The following TEP1 variants were observed in gnomAD, a reference collection of about 807,000 sequenced individuals.
TEP1 encodes telomerase associated protein 1.
Under a neutral mutation model 306.3 loss-of-function variants are expected in TEP1, and 241 were observed. The observed-to-expected ratio is 0.79, with a 90% CI of 0.71 to 0.88. The LOEUF (loss-of-function observed/expected upper bound fraction) is 0.88. Among genes scored for constraint, TEP1 ranks in the 40% least tolerant of loss-of-function variants. The probability of loss-of-function intolerance (pLI) is 0.00; values close to 1 mark genes in which losing one functional copy is unlikely to be tolerated. For missense variants in TEP1, 3,051 were observed against 3,276.1 expected (o/e 0.93, Z 1.68); for synonymous variants, 1,289 against 1,305.5 (o/e 0.99, Z 0.27).
rs1885058378 is a variant in TEP1, at chr14:20,374,552, T to C, written c.6364-16A>G. The C allele has an allele frequency of 6.3e-7, 1 of 1,585,908 alleles. No homozygotes were observed. Among genetic ancestry groups the C allele is most frequent in the Non-Finnish European group, 8.6e-7 (1 of 1,158,510 alleles). On this transcript the variant is annotated splice_polypyrimidine_tract_variant and intron_variant, in intron 43 of 54. Transcript: ENST00000262715. Reference sequence around the variant, plus strand: ...AGCAGGATATCTACAGAGTCAGAAGTCAGAGGAGTGGGATTATCAGCATCC... The same window carrying C: ...AGCAGGATATCTACAGAGTCAGAAGCCAGAGGAGTGGGATTATCAGCATCC...
Position 20,372,743 on chromosome 14 carries a change from C to T in TEP1, c.7066G>A (p.Gly2356Arg), listed in dbSNP as rs756595393. The T allele has an allele frequency of 4.1e-5, 66 of 1,613,932 alleles. No individual in the cohort carries two copies. Among genetic ancestry groups the T allele is most frequent in the Non-Finnish European group, 4.9e-5 (58 of 1,180,010 alleles). Reference protein sequence around the residue: ...QVKLRKGSAPGNLSLHLNRIL... With the variant: ...QVKLRKGSAPRNLSLHLNRIL... Reference sequence around the variant, plus strand: ...ATCAGCCTGTTTCACCTCAAATTTCCGGGTGCCGAACCCTTCCGCAGTTTC... The same window carrying T: ...ATCAGCCTGTTTCACCTCAAATTTCTGGGTGCCGAACCCTTCCGCAGTTTC... Residue 2356 changes from glycine to arginine, a missense_variant, in exon 49 of 55, where the codon GGA (glycine) becomes AGA (arginine). By Grantham distance (125) the Gly-to-Arg change is moderately radical (BLOSUM62 -2). Around this residue, in one of 3 missense-constraint regions of TEP1, gnomAD observed 1,540 missense variants for 1,705.9 expected, o/e 0.90. Coordinates refer to ENST00000262715, the MANE Select transcript of TEP1 (RefSeq NM_007110.5).
At chr14:20,377,999 C>T in intron 39 of TEP1, 25 bp downstream of exon 39, 1 of 1,611,016 alleles carries the variant, frequency 6.2e-7, no homozygotes, top group Non-Finnish European at 8.5e-7. Context: ...CCTCACAACC[C>T]ACCACCAGCC....
intron 10 of TEP1, 96 bp downstream of exon 10, chr14:20,396,525 T>C (rs928527748): frequency 2.5e-5 from 25 of 1,005,618 alleles, no homozygotes; most frequent in African/African-American, 1.3e-4. Flanking sequence ...TACCTGCCTC[T>C]GCCCCCTGAA....
rs375172392 is a variant in TEP1, at chr14:20,377,322, G to C, written c.6046C>G (p.Leu2016Val). ...WLLSRFQKPV[L>V]GLATSQELLA... ...AGCTCCTGGGAAGTGGCCAGTCCTA[G>C]CACAGGCTTCTGGAATCTGGACAGG... The change falls in exon 41 of 55, where the codon CTA (leucine) becomes GTA (valine). Residue 2016 changes from leucine to valine, a missense_variant. By Grantham distance (32) the Leu-to-Val change is conservative. Coordinates refer to ENST00000262715, the MANE Select transcript of TEP1 (RefSeq NM_007110.5). 8.2e-5 allele frequency: 133 copies of C among 1,614,028 alleles called. No homozygotes were observed. The highest frequency in any genetic ancestry group is 4.5e-4 in the Admixed American group (27 of 60,010).
rs749390159 is a variant in TEP1, at chr14:20,382,682, G to A, written c.4081C>T (p.Arg1361Trp). 70 of 1,613,946 alleles carry A rather than the reference G, an allele frequency of 4.3e-5. No homozygotes were observed. The highest frequency in any genetic ancestry group is 5.5e-5 in the South Asian group (5 of 91,088). The change falls in exon 28 of 55, where the codon CGG (arginine) becomes TGG (tryptophan). Residue 1361 changes from arginine (R) to tryptophan (W), a missense_variant. Transcript: ENST00000262715. Reference sequence around the variant, plus strand: ...GTGACCAAGCGCAGGTAGAGCGGCCGGCCTGATTCCCGCTTCACCAGCAGC... The same window carrying A: ...GTGACCAAGCGCAGGTAGAGCGGCCAGCCTGATTCCCGCTTCACCAGCAGC... ...RLLLVKRESG[R>W]PLYLRLVTDH...
Position 20,382,647 on chromosome 14 carries a change from C to T in TEP1, c.4116G>A (p.Leu1372=), listed in dbSNP as rs760029456. The change falls in exon 28 of 55, where the codon CTG becomes CTA. Residue 1372 remains leucine, a synonymous_variant. Coordinates refer to ENST00000262715, the MANE Select transcript of TEP1 (RefSeq NM_007110.5). ...CCTGCTCATACAGCGTGAAGAGCCTCAGGTGATCGGTGACCAAGCGCAGGT... is the reference window on the plus strand; with the variant it reads ...CCTGCTCATACAGCGTGAAGAGCCTTAGGTGATCGGTGACCAAGCGCAGGT... ...PLYLRLVTDH[L]RLFTLYEQVS... is the part of the protein sequence containing the mutation. 6.2e-6 allele frequency: 10 copies of T among 1,614,088 alleles called. No individual in the cohort carries two copies. Among genetic ancestry groups the T allele is most frequent in the Non-Finnish European group, 8.5e-6 (10 of 1,179,996 alleles).
Position 20,395,974 on chromosome 14 carries a change from C to A in TEP1, c.1660-25G>T, listed in dbSNP as rs111288907. ...TCTAGAAAGCAAAGGAGGGAGGGGT[C>A]ATGAGCACAGGAGCCGGGAGTATGG... On this transcript the variant is annotated intron_variant, in intron 10 of 54. Coordinates refer to ENST00000262715, the MANE Select transcript of TEP1 (RefSeq NM_007110.5). 2.9e-3 allele frequency: 4,712 copies of A among 1,604,666 alleles called. 114 individuals carry two copies. The African/African-American group carries it at 0.055, about 19-fold the overall frequency.
rs747230496 is a variant in TEP1, at chr14:20,375,850, C to T, written c.6268G>A (p.Val2090Met). The T allele has an allele frequency of 1.3e-5, 21 of 1,613,002 alleles. No homozygotes were observed. The highest frequency in any genetic ancestry group is 1.2e-4 in the Admixed American group (7 of 60,006). The change falls in exon 43 of 55, where the codon GTG becomes ATG. Residue 2090 changes from valine (V) to methionine (M), a missense_variant. Physicochemically the swap from Val to Met is conservative, Grantham distance 21. This residue lies in a region of TEP1 where 1,540 missense variants were observed against 1,705.9 expected (regional missense o/e 0.90). Coordinates refer to ENST00000262715, the MANE Select transcript of TEP1 (RefSeq NM_007110.5). ...AAAACAGGGGTTTTGGGTGTCCTCA[C>T]GTCCCAGCAGAGGAGACTCTGGATA... Reference protein sequence around the residue: ...GRDRSLLCWDVRTPKTPVLIH... With the variant: ...GRDRSLLCWDMRTPKTPVLIH...
Position 20,380,289 on chromosome 14 carries a change from A to G in TEP1, c.4949T>C (p.Leu1650Pro), listed in dbSNP as rs766250171. ...QASLLSRRWH[L>P]QHTLRWLNKP... ...ATTAAGCCATCGTAGTGTGTGTTGG[A>G]GGTGCCATCTCCGGGAGAGCAGCGA... The change falls in exon 34 of 55, where the codon CTC becomes CCC. Residue 1650 changes from leucine to proline, a missense_variant. Physicochemically the swap from Leu to Pro is moderately conservative, Grantham distance 98 (BLOSUM62 -3). Coordinates refer to ENST00000262715, the MANE Select transcript of TEP1 (RefSeq NM_007110.5). The G allele has an allele frequency of 1.8e-5, 29 of 1,613,932 alleles. No individual in the cohort carries two copies. In the Admixed American group the frequency reaches 4.8e-4, roughly 27 times the overall value.
chr14:20,384,633 T>C lies in TEP1; in HGVS notation c.3188A>G (p.Tyr1063Cys), dbSNP rs1876957763. Residue 1063 changes from tyrosine (Y) to cysteine (C), a missense_variant, in exon 22 of 55, where the codon TAC (tyrosine) becomes TGC (cysteine). Physicochemically the swap from Tyr to Cys is radical, Grantham distance 194. Transcript: ENST00000262715. ...GGTGATCCCTTTCTGTCTGCTTAGG[T>C]AGCTCTTCAGTTCTGAGATCCGACG... ...AARRISELKS[Y>C]LSRQKGITCR... The C allele has an allele frequency of 1.2e-6, 2 of 1,614,062 alleles. No homozygotes were observed. Among genetic ancestry groups the C allele is most frequent in the Non-Finnish European group, 8.5e-7 (1 of 1,180,018 alleles).
Position 20,403,820 on chromosome 14 carries a change from G to A in TEP1, c.1097C>T (p.Thr366Met), listed in dbSNP as rs372780589. ...CTCGTCAAACTGGGCAAATTTGTCC[G>A]TCATGGCAGTACGGAGACAGGCGGG... is the stretch of plus-strand genomic sequence containing the variant. ...PLPACLRTAM[T>M]DKFAQFDEYQ... The change falls in exon 6 of 55, where the codon ACG becomes ATG. Residue 366 changes from threonine (T) to methionine (M), a missense_variant. Physicochemically the swap from Thr to Met is moderately conservative, Grantham distance 81. Around this residue, in one of 3 missense-constraint regions of TEP1, gnomAD observed 1,507 missense variants for 1,550.5 expected, o/e 0.97. Coordinates refer to ENST00000262715, the MANE Select transcript of TEP1 (RefSeq NM_007110.5). 434 of 1,614,006 alleles carry A rather than the reference G, an allele frequency of 2.7e-4. No homozygotes were observed. The highest frequency in any genetic ancestry group is 3.2e-4 in the Non-Finnish European group (374 of 1,180,030).
rs983820053 is a variant in TEP1, at chr14:20,369,262, C to G, written c.7656+82G>C. On this transcript the variant is annotated intron_variant, in intron 53 of 54. Transcript: ENST00000262715. The stretch of plus-strand genomic sequence containing the variant: ...TGACCTCATTATCTGCCCGCCTAGG[C>G]CTCCCAAAGTGCTGGGATTATAGGT... The G allele has an allele frequency of 9.2e-6, 13 of 1,419,258 alleles. No homozygotes were observed. The African/African-American group carries it at 1.8e-4, about 20-fold the overall frequency. The allele number at this position is 1,419,258 out of a possible 1,614,324, so 87.9% of individuals were successfully genotyped here. A position where few individuals can be genotyped will look rare whatever the true frequency, so the allele number is the denominator to read the frequency against.
intron 19 of TEP1, 124 bp from the exon 20 acceptor site, chr14:20,386,319 T>C: frequency 6.3e-7 from 1 of 1,586,818 alleles, no homozygotes; most frequent in Non-Finnish European, 8.6e-7. Flanking sequence ...GCTGCTCTTG[T>C]TAGTATCCAA....
Position 20,391,461 on chromosome 14 carries a change from T to C in TEP1, c.2097+138A>G, listed in dbSNP as rs916533575. The C allele has an allele frequency of 4.8e-6, 5 of 1,045,376 alleles. No individual in the cohort carries two copies. The African/African-American group carries it at 4.8e-5, about 10-fold the overall frequency. 64.8% of individuals were successfully genotyped at this position (1,045,376 alleles called of 1,614,324 possible). On this transcript the variant is annotated intron_variant, in intron 13 of 54. Coordinates refer to ENST00000262715, the MANE Select transcript of TEP1 (RefSeq NM_007110.5). ...ATTGCCCCTAGGAACCAAGGACTGA[T>C]ACTTGGAAGCAAATTCATATCATTT...
intron 44 of TEP1, 26 bp downstream of exon 44, chr14:20,374,403 C>CA (rs1885048234): frequency 6.3e-7 from 1 of 1,575,220 alleles, no homozygotes; most frequent in Admixed American, 1.7e-5. Flanking sequence ...AGAGACCCCC[C>CA]AGTGGGATCT....
At position 20,369,500 on chromosome 14, in the gene TEP1, G is replaced by T. The variant is rs771941999; in HGVS notation, c.7500C>A (p.Thr2500=). 5.6e-6 allele frequency: 9 copies of T among 1,614,000 alleles called. No individual in the cohort carries two copies. The highest frequency in any genetic ancestry group is 1.3e-5 in the African/African-American group (1 of 74,878). Residue 2500 remains threonine (T), a synonymous_variant, in exon 53 of 55, where the codon ACC becomes ACA. Coordinates refer to ENST00000262715, the MANE Select transcript of TEP1 (RefSeq NM_007110.5). Reference sequence around the variant, plus strand: ...CTTTTTTCTGCCACATGTTACCTGTGGTCCATTCTCCTTCTGGGCTGCATT... The same window carrying T: ...CTTTTTTCTGCCACATGTTACCTGTTGTCCATTCTCCTTCTGGGCTGCATT... ...LAKCSPEGEW[T]TGNMWQKKAN... is the part of the protein sequence containing the mutation.
rs763182650 is a variant in TEP1, at chr14:20,377,631, C to A, written c.5844G>T (p.Ala1948=). ...AGATTTTGTAGATCCTAATGCCATC[C>A]GCTCGATATCCAACAGCCACCCGAT... ...DGDRVAVGYR[A]DGIRIYKISS... is the part of the protein sequence containing the mutation. Residue 1948 remains alanine (A), a synonymous_variant, in exon 40 of 55, where the codon GCG becomes GCT. Coordinates refer to ENST00000262715, the MANE Select transcript of TEP1 (RefSeq NM_007110.5). 1.9e-6 allele frequency: 3 copies of A among 1,614,110 alleles called. No individual in the cohort carries two copies. Among genetic ancestry groups the A allele is most frequent in the Non-Finnish European group, 2.5e-6 (3 of 1,180,020 alleles).
chr14:20,404,821 C>T, intron 4 of TEP1, 49 bp from the exon 5 acceptor site: 1 of 1,545,922 alleles, frequency 6.5e-7, no homozygotes, highest in Non-Finnish European at 8.7e-7. Context: ...CCTCCCGTAG[C>T]TTTCTGCCCT....
rs1424866742 is a variant in TEP1, at chr14:20,373,165, T to C, written c.6815-18A>G. 1 of 1,614,098 alleles carries C rather than the reference T, an allele frequency of 6.2e-7. No individual in the cohort carries two copies. The highest frequency in any genetic ancestry group is 8.5e-7 in the Non-Finnish European group (1 of 1,179,990). The stretch of plus-strand genomic sequence containing the variant: ...TGTGTCATCTGGAGGAGAAAGGACG[T>C]GTTTCATTAGGAGCTGGGATACTGC... On this transcript the variant is annotated intron_variant, in intron 47 of 54. Coordinates refer to ENST00000262715, the MANE Select transcript of TEP1 (RefSeq NM_007110.5).
Sources: gnomAD v4.1 joint callset for allele counts on GRCh38, gnomAD v4.1.1 for gene constraint, gnomAD v4.1.1 regional missense constraint, MANE v1.5 for transcripts, NCBI Gene and HGNC (gene_info 2026-07-23, HGNC 2026-07-21) for gene names.